Variants in PTK2 observed in about 807,000 individuals in gnomAD.
PTK2 encodes the protein focal adhesion kinase 1.
PTK2 carries 45 observed loss-of-function variants against 150.1 expected under a neutral mutation model. That is an observed-to-expected ratio of 0.30 (90% CI 0.24 to 0.38). PTK2 has a LOEUF of 0.38. PTK2 is among the 10% of genes least tolerant of loss of function. The pLI, the probability that PTK2 is intolerant of heterozygous loss-of-function variation, is 1.00. For synonymous variants in PTK2, 432 were observed against 449.2 expected (o/e 0.96, Z 0.48); for missense variants, 919 against 1,307.3 (o/e 0.70, Z 4.58).
chr8:140,816,070 TACA>T (rs1338757864), intron 10 of PTK2, among the ~76,000 whole-genome samples: 1 of 152,192 alleles, frequency 6.6e-6, no homozygotes, highest in African/African-American at 2.4e-5. Context: ...TTTTGCTGAT[TACA>T]TTATTATACA....
At chr8:140,979,631 C>A (rs569068481) in intron 1 of PTK2, among the ~76,000 whole-genome samples, 1 of 152,270 alleles carries the variant, frequency 6.6e-6, no homozygotes, top group African/African-American at 2.4e-5. Flanking sequence ...GTGTCCCCAC[C>A]CAAATCTCAT....
At chr8:140,877,299 G>C (rs2154607002) in intron 4 of PTK2, among the ~76,000 whole-genome samples, 1 of 152,198 alleles carries the variant, frequency 6.6e-6, no homozygotes, top group South Asian at 2.1e-4. Context: ...CTCTCAAAGT[G>C]CTGGGATTGC....
At chr8:140,787,174 C>T (rs546023646) in intron 14 of PTK2, among the ~76,000 whole-genome samples, 9 of 152,180 alleles carry the variant, frequency 5.9e-5, no homozygotes, top group Middle Eastern at 3.4e-3. Flanking sequence ...CTCCTAGTTA[C>T]GGAATACCTA....
At chr8:140,669,099 T>G (rs887382941) in intron 29 of PTK2, 3 of 151,804 alleles carry the variant, frequency 2.0e-5, no homozygotes, top group African/African-American at 7.3e-5. Context: ...AAGCCTCAGC[T>G]CTCTCACCCG....
chr8:140,966,834 C>G (rs888703144), intron 1 of PTK2, among the ~76,000 whole-genome samples: 3 of 152,118 alleles, frequency 2.0e-5, no homozygotes, highest in Non-Finnish European at 4.4e-5. Flanking sequence ...GCTCTGAACC[C>G]TTTTCCCTTT....
intron 22 of PTK2, among the ~76,000 whole-genome samples, chr8:140,723,080 C>T (rs181360768): frequency 3.9e-5 from 6 of 152,180 alleles, no homozygotes; most frequent in Non-Finnish European, 7.3e-5. Context: ...TCCATCTGCC[C>T]TGATATTTCT....
intron 11 of PTK2, among the ~76,000 whole-genome samples, chr8:140,803,005 C>CA (rs2100096083): frequency 5.2e-5 from 4 of 77,348 alleles, no homozygotes; most frequent in African/African-American, 2.0e-4. Flanking sequence ...TGATGACAAT[C>CA]TTTTTTTTTT....
intron 4 of PTK2, among the ~76,000 whole-genome samples, chr8:140,877,344 A>C (rs377629110): frequency 2.6e-5 from 4 of 152,096 alleles, no homozygotes; most frequent in East Asian, 1.9e-4. Flanking sequence ...AACTTTCACT[A>C]ATCTTAAAAG....
intron 1 of PTK2, among the ~76,000 whole-genome samples, chr8:140,936,217 A>C (rs531755628): frequency 2.0e-5 from 3 of 152,304 alleles, no homozygotes; most frequent in African/African-American, 7.2e-5. Flanking sequence ...CAATCTTTTT[A>C]ACTAATAAAA....
intron 1 of PTK2, among the ~76,000 whole-genome samples, chr8:140,977,619 A>AG (rs1048607142): frequency 1.1e-4 from 5 of 47,276 alleles, no homozygotes; most frequent in African/African-American, 2.4e-4. Context: ...AAGACTGTCC[A>AG]AAAAAAAAAA....
intron 21 of PTK2, among the ~76,000 whole-genome samples, chr8:140,737,423 T>A (rs888718332): frequency 1.3e-5 from 2 of 152,130 alleles, no homozygotes; most frequent in Non-Finnish European, 2.9e-5. Flanking sequence ...CCCTTAATCC[T>A]CACAGTAACC....
intron 1 of PTK2, among the ~76,000 whole-genome samples, chr8:140,936,721 A>G (rs959492423): frequency 1.3e-5 from 2 of 152,230 alleles, no homozygotes; most frequent in Non-Finnish European, 2.9e-5. Flanking sequence ...TTTGGTTGCT[A>G]TGATTTTTAA....
intron 1 of PTK2, among the ~76,000 whole-genome samples, chr8:140,931,047 C>T (rs575034461): frequency 2.8e-5 from 4 of 142,600 alleles, no homozygotes; most frequent in Non-Finnish European, 4.5e-5. Context: ...CTCCAGCCTG[C>T]GCGGCAGAGC....
rs184134885 is a variant in PTK2 at position 140,872,841 on chromosome 8, T to C, written c.362+6630A>G. 7.0e-4 allele frequency among the ~76,000 whole-genome samples: 106 copies of C among 152,366 alleles called. 1 individual carries two copies. The highest frequency in any genetic ancestry group is 3.4e-3 in the Middle Eastern group (1 of 294). On this transcript the variant is annotated intron_variant, in intron 4 of 31. Transcript: ENST00000522684. Reference sequence around the variant, plus strand: ...TGCTGTATGTCATATTCCAGGACTTTTTTAATTGAGGTAAAATTAACATAA... The same window carrying C: ...TGCTGTATGTCATATTCCAGGACTTCTTTAATTGAGGTAAAATTAACATAA...
chr8:140,887,167 A>C (rs2100152609), intron 3 of PTK2, among the ~76,000 whole-genome samples: 1 of 152,222 alleles, frequency 6.6e-6, no homozygotes, highest in South Asian at 2.1e-4. Context: ...TGATTTTGGC[A>C]GTACCTGGGG....
At chr8:140,851,783 C>T (rs1453110896) in intron 5 of PTK2, among the ~76,000 whole-genome samples, 1 of 151,520 alleles carries the variant, frequency 6.6e-6, no homozygotes, top group Non-Finnish European at 1.5e-5. Flanking sequence ...CGCTTGAACC[C>T]GGGAGGCAGA....
At chr8:140,846,130 C>T in intron 7 of PTK2, 130 bp downstream of exon 7, 1 of 657,302 alleles carries the variant, frequency 1.5e-6, no homozygotes, top group Non-Finnish European at 2.5e-6. Context: ...ATCAAGGATT[C>T]TGTCCTTTTC....
rs748959529 is a variant in PTK2 at position 140,789,490 on chromosome 8, G to A, written c.1161C>T (p.His387=). ...GCCCCTTACCTGACACAGAGACGGC[G>A]TGTGTCCGCATGCCTTGCTTTTCGC... Residue 387 remains histidine, a synonymous_variant, in exon 14 of 32, where the codon CAC becomes CAT. Coordinates refer to ENST00000522684, the Ensembl canonical transcript of PTK2. The A allele has an allele frequency of 9.3e-6, 15 of 1,613,382 alleles. No homozygotes were observed. The African/African-American group carries it at 1.1e-4, about 11-fold the overall frequency.
intron 1 of PTK2, among the ~76,000 whole-genome samples, chr8:140,981,558 A>G (rs1418643496): frequency 2.0e-5 from 3 of 152,246 alleles, no homozygotes; most frequent in African/African-American, 4.8e-5. Flanking sequence ...CCACAGGCCA[A>G]TGTGGCCCCA....
Sources: gnomAD v4.1 joint callset for allele counts (sites outside exome capture counted in the v4.1 genomes callset) on GRCh38, gnomAD v4.1.1 for gene constraint, MANE v1.5 for transcripts, NCBI Gene and HGNC (gene_info 2026-07-23, HGNC 2026-07-21) for gene names.